The following TRAF2 variants were observed in gnomAD, a reference collection of about 807,000 sequenced individuals.
TRAF2 encodes TNF receptor associated factor 2, also known as TNF receptor-associated factor 2.
Under a neutral mutation model 55.6 loss-of-function variants are expected in TRAF2, and 6 were observed. The ratio of observed to expected loss-of-function variants is 0.11; its 90% CI spans 0.06 to 0.21. The LOEUF is 0.21. Ranked by LOEUF, TRAF2 falls within the 10% of genes least tolerant of loss-of-function variation. TRAF2 has a pLI of 1.00. For synonymous variants in TRAF2, 329 were observed against 276.3 expected (o/e 1.19, Z -1.89); for missense variants, 561 against 684.5 (o/e 0.82, Z 2.01).
At chr9:136,900,742 G>A (rs1048697901) in intron 4 of TRAF2, 8 of 557,192 alleles carry the variant, frequency 1.4e-5, no homozygotes, top group African/African-American at 1.1e-4. Context: ...TGGGCTGTGT[G>A]ACCTCGGGCG....
rs542142392 is a variant in TRAF2, at chr9:136,926,525, G to A, written c.*624G>A. 4 of 191,004 alleles carry A rather than the reference G, an allele frequency of 2.1e-5. 1 individual carries two copies. The South Asian group carries it at 4.2e-4, about 20-fold the overall frequency. 11.8% of individuals were successfully genotyped at this position (191,004 alleles called of 1,614,324 possible). A position where few individuals can be genotyped will look rare whatever the true frequency, so the allele number is the denominator to read the frequency against. On this transcript the variant is annotated 3_prime_UTR_variant, in exon 11 of 11. Transcript: ENST00000247668. The stretch of plus-strand genomic sequence containing the variant: ...CCTCTGCTCAGACCACTGTGTGGGA[G>A]GTGCACAGCACAGCCTGCGGGTAAA...
rs1849772716 is a variant in TRAF2, at chr9:136,899,797, G to GA, written c.267+125_267+126insA. ...CCCAGCACTTTGGGAGGCCCAGGTA[G>GA]GGGGATTGCTTGAGTCCAGGAGTTT... On this transcript the variant is annotated intron_variant, in intron 3 of 10. Transcript: ENST00000247668. 1.1e-5 allele frequency: 9 copies of GA among 849,686 alleles called. No homozygotes were observed. In the South Asian group the frequency reaches 1.3e-4, roughly 12 times the overall value. 52.6% of individuals were successfully genotyped at this position (849,686 alleles called of 1,614,324 possible). A position where few individuals can be genotyped will look rare whatever the true frequency, so the allele number is the denominator to read the frequency against.
upstream of TRAF2, among the ~76,000 whole-genome samples, chr9:136,884,045 G>C (rs558927934): frequency 6.6e-6 from 1 of 151,568 alleles, no homozygotes; most frequent in African/African-American, 2.4e-5. Flanking sequence ...GAATGGTCTC[G>C]ATCTCTTGAC....
intron 4 of TRAF2, among the ~76,000 whole-genome samples, chr9:136,900,927 C>A (rs746278730): frequency 6.6e-6 from 1 of 152,166 alleles, no homozygotes; most frequent in Non-Finnish European, 1.5e-5. Context: ...TGCACCAGGA[C>A]CTGCAGCTTT....
At chr9:136,909,066 A>T (rs77324735) in intron 5 of TRAF2, among the ~76,000 whole-genome samples, 2,108 of 152,108 alleles carry the variant, frequency 0.014, 53 homozygotes, top group Admixed American at 0.059. Context: ...AAAAATTTTT[A>T]AAAAAAGTTT....
At position 136,892,637 on chromosome 9, in the gene TRAF2, T is replaced by C. The variant is rs562344199; in HGVS notation, c.-28-6076T>C. On this transcript the variant is annotated intron_variant, in intron 1 of 10. Transcript: ENST00000247668. Reference sequence around the variant, plus strand: ...GCTCATGCCTATAATCTCAGCACTTTGGGAGATTGAGGTGGGCAGATTATC... The same window carrying C: ...GCTCATGCCTATAATCTCAGCACTTCGGGAGATTGAGGTGGGCAGATTATC... Among the ~76,000 whole-genome samples, 20 of 152,258 alleles carry C rather than the reference T, an allele frequency of 1.3e-4. 1 individual carries two copies. Among genetic ancestry groups the C allele is most frequent in the African/African-American group, 4.8e-4 (20 of 41,544 alleles).
At chr9:136,882,742 G>A, upstream of TRAF2, 4 of 985,602 alleles carry the variant, frequency 4.1e-6, no homozygotes, top group Non-Finnish European at 4.8e-6. Flanking sequence ...AGCAAACAAG[G>A]CGAGTCCCCA....
chr9:136,921,060 T>C lies in TRAF2; in HGVS notation c.983T>C (p.Ile328Thr), dbSNP rs1850372906. The C allele has an allele frequency of 1.2e-6, 2 of 1,613,898 alleles. No individual in the cohort carries two copies. Among genetic ancestry groups the C allele is most frequent in the Non-Finnish European group, 1.7e-6 (2 of 1,179,986 alleles). The change falls in exon 9 of 11, where the codon ATT becomes ACT. Residue 328 changes from isoleucine (I) to threonine (T), a missense_variant. Around this residue, in one of 2 missense-constraint regions of TRAF2, gnomAD observed 426 missense variants for 476.8 expected, o/e 0.89. Transcript: ENST00000247668. Reference sequence around the variant, plus strand: ...CAGGTGCAGCAGCTGGAGAGGAGCATTGGCCTCAAGGACCTGGCGATGGCT... The same window carrying C: ...CAGGTGCAGCAGCTGGAGAGGAGCACTGGCCTCAAGGACCTGGCGATGGCT... Reference protein sequence around the residue: ...SSKVQQLERSIGLKDLAMADL... With the variant: ...SSKVQQLERSTGLKDLAMADL...
chr9:136,912,182 A>G (rs1439285727), intron 6 of TRAF2, among the ~76,000 whole-genome samples: 11 of 61,472 alleles, frequency 1.8e-4, no homozygotes, highest in African/African-American at 2.7e-4. Context: ...TTTTTTTTGG[A>G]GACAGAGTCT....
At position 136,920,347 on chromosome 9, in the gene TRAF2, G is replaced by T. The variant is rs148589670; in HGVS notation, c.792G>T (p.Ala264=). 6.2e-7 allele frequency: 1 copy of T among 1,613,996 alleles called. No individual in the cohort carries two copies. The highest frequency in any genetic ancestry group is 8.5e-7 in the Non-Finnish European group (1 of 1,180,052). ...CCCTCTTGGGAGACCAGAGCCACGC[G>T]GGGTCAGAGCTCCTGCAGAGGTGCG... ...AKPLLGDQSH[A]GSELLQRCES... is the part of the protein sequence containing the mutation. The change falls in exon 8 of 11, where the codon GCG becomes GCT. Residue 264 remains alanine (A), a synonymous_variant. Coordinates refer to ENST00000247668, the MANE Select transcript of TRAF2 (RefSeq NM_021138.4).
chr9:136,892,191 C>T (rs1280713830), intron 1 of TRAF2, among the ~76,000 whole-genome samples: 4 of 151,946 alleles, frequency 2.6e-5, no homozygotes, highest in Non-Finnish European at 5.9e-5. Flanking sequence ...AGGCCAGGCG[C>T]GGTGGCTCAC....
At chr9:136,915,636 G>T (rs1850223256) in intron 6 of TRAF2, among the ~76,000 whole-genome samples, 2 of 152,004 alleles carry the variant, frequency 1.3e-5, no homozygotes, top group Admixed American at 1.3e-4. Flanking sequence ...GAGCATCCTT[G>T]GGTTTCAGGG....
chr9:136,920,128 C>T, intron 7 of TRAF2, 106 bp from the exon 8 acceptor site: 1 of 1,397,278 alleles, frequency 7.2e-7, no homozygotes. Context: ...ATCTATGACC[C>T]TGGCCTGTCT....
At chr9:136,907,850 T>G (rs1220203797) in intron 4 of TRAF2, among the ~76,000 whole-genome samples, 1 of 151,568 alleles carries the variant, frequency 6.6e-6, no homozygotes, top group Non-Finnish European at 1.5e-5. Flanking sequence ...TCCCCTCAGC[T>G]CAGTGTGCGG....
intron 1 of TRAF2, among the ~76,000 whole-genome samples, chr9:136,892,421 G>A (rs1050487065): frequency 2.6e-5 from 4 of 151,794 alleles, no homozygotes; most frequent in South Asian, 2.1e-4. Context: ...CCAAGATCGC[G>A]CCACTGCACT....
At chr9:136,918,251 A>ATTTATTTATT (rs1174041846) in intron 7 of TRAF2, among the ~76,000 whole-genome samples, 2 of 43,716 alleles carry the variant, frequency 4.6e-5, no homozygotes, top group African/African-American at 2.9e-4. Context: ...ATATATATAT[A>ATTTATTTATT]TATATATTTA....
chr9:136,912,054 C>T (rs1028958999), intron 6 of TRAF2, among the ~76,000 whole-genome samples: 12 of 150,494 alleles, frequency 8.0e-5, no homozygotes, highest in African/African-American at 2.9e-4. Flanking sequence ...GGGGTTTCAC[C>T]GTGTTGACCA....
At chr9:136,917,413 T>C (rs1280389956) in intron 7 of TRAF2, among the ~76,000 whole-genome samples, 1 of 152,206 alleles carries the variant, frequency 6.6e-6, no homozygotes, top group Non-Finnish European at 1.5e-5. Flanking sequence ...ACCCCCCTGC[T>C]CCACCCCTGC....
At chr9:136,909,462 TC>T in intron 5 of TRAF2, among the ~76,000 whole-genome samples, 1 of 152,204 alleles carries the variant, frequency 6.6e-6, no homozygotes, top group Non-Finnish European at 1.5e-5. Context: ...CATCTGCACT[TC>T]CCTGTAAACT....
Sources: allele counts gnomAD v4.1 joint callset (sites outside exome capture counted in the v4.1 genomes callset), GRCh38; gene constraint gnomAD v4.1.1; regional missense constraint gnomAD v4.1.1; transcripts MANE v1.5; gene names NCBI Gene and HGNC (gene_info 2026-07-23, HGNC 2026-07-21).